TBC1D22A: variants seen among roughly 807,000 people sequenced by gnomAD.
The protein encoded by TBC1D22A is putative GTPase activator.
A neutral mutation model predicts 60.2 loss-of-function variants in TBC1D22A; 38 were observed. That is an observed-to-expected ratio of 0.63 (90% CI 0.49 to 0.83). The LOEUF is 0.83. Ranked by LOEUF, TBC1D22A falls within the 40% of genes least tolerant of loss-of-function variation. TBC1D22A has a pLI of 0.00. For synonymous variants in TBC1D22A, 302 were observed against 281.7 expected, an observed-to-expected ratio of 1.07 and a Z score of -0.72; for missense variants, 628 against 701.0, an observed-to-expected ratio of 0.90 and a Z score of 1.18.
chr22:46,906,897 T>C (rs532142578), intron 7 of TBC1D22A, among the ~76,000 whole-genome samples: 2 of 152,090 alleles, frequency 1.3e-5, no homozygotes, highest in South Asian at 4.2e-4. Context: ...CCTGCGTGTG[T>C]ATATGTGCGC....
intron 8 of TBC1D22A, among the ~76,000 whole-genome samples, chr22:46,917,927 C>T (rs1017650809): frequency 1.1e-4 from 17 of 152,132 alleles, no homozygotes; most frequent in Non-Finnish European, 1.3e-4. Context: ...TGCTGAGGGC[C>T]GCCTTTGGGA....
chr22:46,969,729 A>G (rs914677853), intron 8 of TBC1D22A, among the ~76,000 whole-genome samples: 1 of 152,138 alleles, frequency 6.6e-6, no homozygotes, highest in African/African-American at 2.4e-5. Flanking sequence ...CTTTGGGGTC[A>G]GGACTGACAC....
At chr22:46,792,767 A>G (rs1252842538) in intron 2 of TBC1D22A, 191 bp downstream of exon 2, 2 of 1,467,820 alleles carry the variant, frequency 1.4e-6, no homozygotes, top group African/African-American at 2.8e-5. Flanking sequence ...ATCCCGGTGA[A>G]GACGGCGGAT....
intron 4 of TBC1D22A, among the ~76,000 whole-genome samples, chr22:46,873,629 A>G (rs2147450422): frequency 6.6e-6 from 1 of 152,242 alleles, no homozygotes; most frequent in African/African-American, 2.4e-5. Flanking sequence ...TATTAGGCCC[A>G]GGATCCATTA....
intron 8 of TBC1D22A, among the ~76,000 whole-genome samples, chr22:46,934,442 T>C (rs1415315151): frequency 6.6e-6 from 1 of 152,160 alleles, no homozygotes; most frequent in Middle Eastern, 3.2e-3. Context: ...CTTGGAGGGT[T>C]GTTAGGAAAG....
chr22:46,947,570 G>A (rs1344646054), intron 8 of TBC1D22A, among the ~76,000 whole-genome samples: 2 of 152,212 alleles, frequency 1.3e-5, no homozygotes, highest in Non-Finnish European at 2.9e-5. Context: ...GCTATTTCAA[G>A]GCCTCGTGGA....
rs570391150 is a variant in TBC1D22A at position 46,895,669 on chromosome 22, G to T, written c.900+823G>T. Among the ~76,000 whole-genome samples, 42 of 152,294 alleles carry T rather than the reference G, an allele frequency of 2.8e-4. No homozygotes were observed. The East Asian group carries it at 6.8e-3, about 25-fold the overall frequency. On this transcript the variant is annotated intron_variant, in intron 7 of 12. Coordinates refer to ENST00000337137, the MANE Select transcript of TBC1D22A (RefSeq NM_014346.5). The stretch of plus-strand genomic sequence containing the variant: ...TTACAGGTGTGAGCCACGGCGCCCG[G>T]CGTCTCTCATTGTTTTCTAAGATTC...
At chr22:46,838,647 T>A (rs2086622315) in intron 4 of TBC1D22A, among the ~76,000 whole-genome samples, 1 of 152,188 alleles carries the variant, frequency 6.6e-6, no homozygotes, top group African/African-American at 2.4e-5. Context: ...TGAACATAGA[T>A]GCAAAAGCTC....
intron 10 of TBC1D22A, among the ~76,000 whole-genome samples, chr22:46,999,862 A>T (rs1017466864): frequency 6.6e-6 from 1 of 152,148 alleles, no homozygotes; most frequent in Non-Finnish European, 1.5e-5. Flanking sequence ...TGTCTCTACT[A>T]AAAATACAAA....
intron 11 of TBC1D22A, among the ~76,000 whole-genome samples, chr22:47,079,719 A>G (rs540878433): frequency 2.0e-5 from 3 of 152,224 alleles, no homozygotes; most frequent in Non-Finnish European, 4.4e-5. Flanking sequence ...CATGTAGGAA[A>G]AAAGAGGAGT....
chr22:47,059,073 G>A (rs1276956195), intron 11 of TBC1D22A, among the ~76,000 whole-genome samples: 1 of 152,248 alleles, frequency 6.6e-6, no homozygotes, highest in Non-Finnish European at 1.5e-5. Context: ...GAGAGCTGCT[G>A]CGTTCAGTAA....
At chr22:46,937,345 C>G (rs935448795) in intron 8 of TBC1D22A, among the ~76,000 whole-genome samples, 1 of 152,174 alleles carries the variant, frequency 6.6e-6, no homozygotes, top group Non-Finnish European at 1.5e-5. Context: ...ATGGCGTATA[C>G]CACAGAACTG....
intron 8 of TBC1D22A, among the ~76,000 whole-genome samples, chr22:46,933,985 G>A (rs772182631): frequency 3.9e-5 from 6 of 152,158 alleles, no homozygotes; most frequent in Non-Finnish European, 8.8e-5. Context: ...CCACTTTGTG[G>A]GGTGTGGGAG....
At chr22:47,099,614 T>C (rs1301472863) in intron 11 of TBC1D22A, among the ~76,000 whole-genome samples, 2 of 151,884 alleles carry the variant, frequency 1.3e-5, no homozygotes, top group Non-Finnish European at 2.9e-5. Flanking sequence ...CCCAGCTAAT[T>C]TTGTATTTTT....
intron 10 of TBC1D22A, among the ~76,000 whole-genome samples, chr22:47,003,479 C>A (rs541954407): frequency 1.4e-5 from 2 of 147,878 alleles, no homozygotes; most frequent in Admixed American, 6.7e-5. Context: ...ACACACGCAC[C>A]CTACGCACAC....
At chr22:47,144,004 T>A (rs1194596891) in intron 12 of TBC1D22A, among the ~76,000 whole-genome samples, 1 of 152,220 alleles carries the variant, frequency 6.6e-6, no homozygotes, top group African/African-American at 2.4e-5. Flanking sequence ...AAGCCTTTAG[T>A]TGGTGATGTC....
At position 47,095,464 on chromosome 22, in the gene TBC1D22A, C is replaced by A. The variant is rs540650453; in HGVS notation, c.1330-16044C>A. ...GGAAAATTGTTTCTTTGCCTTAGTTCCTACATTTTAAAAAGTTTATATCAT... is the reference window on the plus strand; with the variant it reads ...GGAAAATTGTTTCTTTGCCTTAGTTACTACATTTTAAAAAGTTTATATCAT... On this transcript the variant is annotated intron_variant, in intron 11 of 12. Coordinates refer to ENST00000337137, the MANE Select transcript of TBC1D22A (RefSeq NM_014346.5). Among the ~76,000 whole-genome samples the A allele has an allele frequency of 7.2e-5, 11 of 152,318 alleles. No homozygotes were observed. In the South Asian group the frequency reaches 2.3e-3, roughly 32 times the overall value.
intron 10 of TBC1D22A, among the ~76,000 whole-genome samples, chr22:47,026,578 A>G (rs189020201): frequency 6.6e-6 from 1 of 152,384 alleles, no homozygotes; most frequent in East Asian, 1.9e-4. Flanking sequence ...CAGGATCTAC[A>G]TACAAAAATA....
At chr22:46,995,135 G>A (rs2075075837) in intron 9 of TBC1D22A, among the ~76,000 whole-genome samples, 1 of 152,152 alleles carries the variant, frequency 6.6e-6, no homozygotes. Context: ...CCCTGAATCA[G>A]CCCACGACAT....
Sources: allele counts gnomAD v4.1 joint callset (sites outside exome capture counted in the v4.1 genomes callset), GRCh38; gene constraint gnomAD v4.1.1; transcripts MANE v1.5; gene names NCBI Gene and HGNC (gene_info 2026-07-23, HGNC 2026-07-21).